The following CCDC183 variants were observed in gnomAD, a reference collection of about 807,000 sequenced individuals.
CCDC183 encodes the protein coiled-coil domain-containing protein 183.
CCDC183 carries 63 observed loss-of-function variants against 65.2 expected under a neutral mutation model. That is an observed-to-expected ratio of 0.97 (90% confidence interval 0.79 to 1.19). CCDC183 has a LOEUF of 1.19. Ranked by LOEUF, CCDC183 falls within the 50% of genes most tolerant of loss-of-function variation. CCDC183 has a pLI of 0.00. For synonymous variants in CCDC183, 323 were observed against 276.5 expected, an observed-to-expected ratio of 1.17 and a Z score of -1.67; for missense variants, 769 against 689.3, an observed-to-expected ratio of 1.12 and a Z score of -1.30.
Position 136,800,479 on chromosome 9 carries a change from G to C in CCDC183, c.529G>C (p.Asp177His). 1 of 1,607,598 alleles carries C rather than the reference G, an allele frequency of 6.2e-7. No homozygotes were observed. The highest frequency in any genetic ancestry group is 1.1e-5 in the South Asian group (1 of 90,568). Residue 177 changes from aspartate to histidine, a missense_variant, in exon 5 of 14, where the codon GAT (aspartate) becomes CAT (histidine). Coordinates refer to ENST00000338005, the MANE Select transcript of CCDC183 (RefSeq NM_001039374.5). ...NIHLLYLDLL[D>H]YLKTVLAGYP... ...CCACCTGCTGTATTTGGACCTGCTGGATTATCTGAAGACAGTGAGCCCAGC... is the reference window on the plus strand; with the variant it reads ...CCACCTGCTGTATTTGGACCTGCTGCATTATCTGAAGACAGTGAGCCCAGC...
rs1394169178 is a variant in CCDC183, at chr9:136,800,018, T to G, written c.287T>G (p.Leu96Arg). The change falls in exon 4 of 14, where the codon CTG becomes CGG. Residue 96 changes from leucine to arginine, a missense_variant. Coordinates refer to ENST00000338005, the MANE Select transcript of CCDC183 (RefSeq NM_001039374.5). ...CCGACCCAGGTGGTGCGGGAGAAGC[T>G]GCGCAAGTACGTCTTCGACCGCGTG... ...RSTMEVVREKLRKYVFDRVNM... is the reference protein window; with the variant it reads ...RSTMEVVREKRRKYVFDRVNM... 6.3e-7 allele frequency: 1 copy of G among 1,590,236 alleles called. No individual in the cohort carries two copies.
In CCDC183 at chr9:136,806,237, A is replaced by G; in HGVS notation, c.1108A>G (p.Ser370Gly). The G allele has an allele frequency of 1.3e-6, 2 of 1,590,428 alleles. No individual in the cohort carries two copies. Among genetic ancestry groups the G allele is most frequent in the East Asian group, 2.3e-5 (1 of 43,418 alleles). The change falls in exon 10 of 14, where the codon AGC (serine) becomes GGC (glycine). Residue 370 changes from serine to glycine, a missense_variant and splice_region_variant. Coordinates refer to ENST00000338005, the MANE Select transcript of CCDC183 (RefSeq NM_001039374.5). ...GTTCCGCCAGAAGCCTAGCTCCATCAGGTGCCCCGGGCTTCCGGGGCTGCG... is the reference window on the plus strand; with the variant it reads ...GTTCCGCCAGAAGCCTAGCTCCATCGGGTGCCCCGGGCTTCCGGGGCTGCG... Reference protein sequence around the residue: ...LKFRQKPSSISFKSVEKKMTD... With the variant: ...LKFRQKPSSIGFKSVEKKMTD...
At chr9:136,796,944 C>T (rs931291506) in intron 1 of CCDC183, among the ~76,000 whole-genome samples, 2 of 148,006 alleles carry the variant, frequency 1.4e-5, no homozygotes, top group East Asian at 2.0e-4. Context: ...CAGCCCGACA[C>T]CAGTAAAGGG....
chr9:136,803,392 A>G (rs1354660904), intron 6 of CCDC183, among the ~76,000 whole-genome samples: 2 of 152,194 alleles, frequency 1.3e-5, no homozygotes, highest in Non-Finnish European at 2.9e-5. Context: ...CAGCCCGGCC[A>G]GCCTGCTCTG....
chr9:136,801,068 A>C (rs1406997710), intron 5 of CCDC183, among the ~76,000 whole-genome samples: 1 of 152,244 alleles, frequency 6.6e-6, no homozygotes, highest in Admixed American at 6.5e-5. Flanking sequence ...GCGGGGAGCC[A>C]GCTGGAAACA....
Position 136,802,690 on chromosome 9 carries a change from G to A in CCDC183, c.570G>A (p.Leu190=), listed in dbSNP as rs1847755285. ...TGCTGGCAGGATACCCCATTGAGCTGGACAAGCTGCAGAACCTCGTGGTCA... is the reference window on the plus strand; with the variant it reads ...TGCTGGCAGGATACCCCATTGAGCTAGACAAGCTGCAGAACCTCGTGGTCA... ...KTVLAGYPIE[L]DKLQNLVVNY... is the part of the protein sequence containing the mutation. The change falls in exon 6 of 14, where the codon CTG becomes CTA. Residue 190 remains leucine (L), a synonymous_variant. Transcript: ENST00000338005. The A allele has an allele frequency of 6.2e-7, 1 of 1,613,232 alleles. No individual in the cohort carries two copies. The highest frequency in any genetic ancestry group is 8.5e-7 in the Non-Finnish European group (1 of 1,179,730).
intron 2 of CCDC183, chr9:136,799,505 G>C (rs1588330161): frequency 3.0e-6 from 2 of 665,142 alleles, no homozygotes; most frequent in East Asian, 5.6e-5. Context: ...GGGACACCCA[G>C]GCCCTCCTCT....
intron 5 of CCDC183, among the ~76,000 whole-genome samples, chr9:136,802,392 G>A (rs1000980689): frequency 6.6e-6 from 1 of 152,180 alleles, no homozygotes; most frequent in Admixed American, 6.5e-5. Flanking sequence ...CCGGGTTTCA[G>A]TCAGCCTTTT....
rs1564347914 is a variant in CCDC183, at chr9:136,799,160, C to T, written c.129C>T (p.Ala43=). ...AAGAGAATATGGACCAGAACAAGGC[C>T]ACGCTGGCCCTCCTGCGCAGCAACA... ...GVKENMDQNK[A]TLALLRSNIR... The change falls in exon 2 of 14, where the codon GCC becomes GCT. Residue 43 remains alanine, a synonymous_variant. Coordinates refer to ENST00000338005, the MANE Select transcript of CCDC183 (RefSeq NM_001039374.5). 3.1e-6 allele frequency: 5 copies of T among 1,613,190 alleles called. No homozygotes were observed. The highest frequency in any genetic ancestry group is 4.2e-6 in the Non-Finnish European group (5 of 1,179,860).
At chr9:136,796,945 C>A (rs1189349550) in intron 1 of CCDC183, among the ~76,000 whole-genome samples, 1 of 147,380 alleles carries the variant, frequency 6.8e-6, no homozygotes, top group Non-Finnish European at 1.5e-5. Flanking sequence ...AGCCCGACAC[C>A]AGTAAAGGGT....
chr9:136,799,846 C>G (rs761183043), intron 3 of CCDC183, 56 bp downstream of exon 3: 44 of 1,542,302 alleles, frequency 2.9e-5, no homozygotes, highest in Admixed American at 3.5e-5. Context: ...GCCAGCACCC[C>G]CCCACTAGAT....
rs1412628830 is a variant in CCDC183 at position 136,804,687 on chromosome 9, G to A, written c.792+60G>A. ...TCCCCATGACAGCTGGGTGGACACAGGCTCAGGGCCACCACTCAGGGCCCA... is the reference window on the plus strand; with the variant it reads ...TCCCCATGACAGCTGGGTGGACACAAGCTCAGGGCCACCACTCAGGGCCCA... On this transcript the variant is annotated intron_variant, in intron 7 of 13. Coordinates refer to ENST00000338005, the MANE Select transcript of CCDC183 (RefSeq NM_001039374.5). This position sits in a 1 kb window ranked among gnomAD's most constrained non-coding sequence, Gnocchi z 4.1. 5 of 1,612,984 alleles carry A rather than the reference G, an allele frequency of 3.1e-6. No individual in the cohort carries two copies. Among genetic ancestry groups the A allele is most frequent in the South Asian group, 2.2e-5 (2 of 91,034 alleles).
chr9:136,798,023 T>A (rs1358497959), intron 1 of CCDC183, among the ~76,000 whole-genome samples: 2 of 150,490 alleles, frequency 1.3e-5, no homozygotes, highest in Non-Finnish European at 3.0e-5. Context: ...TTATTTATTT[T>A]GAGACGCAGT....
rs1320944212 is a variant in CCDC183, at chr9:136,806,582, G to A, written c.1188G>A (p.Met396Ile). 3 of 1,613,608 alleles carry A rather than the reference G, an allele frequency of 1.9e-6. No individual in the cohort carries two copies. Among genetic ancestry groups the A allele is most frequent in the Non-Finnish European group, 2.5e-6 (3 of 1,180,046 alleles). Reference sequence around the variant, plus strand: ...GGCTCCAGCTGGCGCACAGCAACATGACCAAGGGCCAGGAGCTGCTGCTGA... The same window carrying A: ...GGCTCCAGCTGGCGCACAGCAACATAACCAAGGGCCAGGAGCTGCTGCTGA... ...EERLQLAHSNMTKGQELLLTI... is the reference protein window; with the variant it reads ...EERLQLAHSNITKGQELLLTI... The change falls in exon 11 of 14, where the codon ATG becomes ATA. Residue 396 changes from methionine (M) to isoleucine (I), a missense_variant. Physicochemically the swap from Met to Ile is conservative, Grantham distance 10 (BLOSUM62 1). Coordinates refer to ENST00000338005, the MANE Select transcript of CCDC183 (RefSeq NM_001039374.5).
rs113072784 is a variant in CCDC183 at position 136,802,820 on chromosome 9, G to A, written c.666+34G>A. On this transcript the variant is annotated intron_variant, in intron 6 of 13. Transcript: ENST00000338005. Reference sequence around the variant, plus strand: ...AGGGCCCAGGGCTGGGGGCCCCCCAGGGCCAGCCCTCTTGGATCTTCGGAT... The same window carrying A: ...AGGGCCCAGGGCTGGGGGCCCCCCAAGGCCAGCCCTCTTGGATCTTCGGAT... 2.6e-3 allele frequency: 3,530 copies of A among 1,364,682 alleles called. 24 individuals are homozygous for A. Among genetic ancestry groups the A allele is most frequent in the Middle Eastern group, 6.5e-3 (27 of 4,162 alleles). The allele number at this position is 1,364,682 out of a possible 1,614,324, so 84.5% of individuals were successfully genotyped here. A position where few individuals can be genotyped will look rare whatever the true frequency, so the allele number is the denominator to read the frequency against.
chr9:136,806,988 G>C lies in CCDC183; in HGVS notation c.1408G>C (p.Asp470His), dbSNP rs1457501418. ...CCTGCAGGGCGACACAAAGGTGAGG[G>C]ACACCCTGGAGTCCTCGACTCTGAT... ...RTEEGDTKVRDTLESSTLMEK... is the reference protein window; with the variant it reads ...RTEEGDTKVRHTLESSTLMEK... Residue 470 changes from aspartate (D) to histidine (H), a missense_variant, in exon 13 of 14, where the codon GAC (aspartate) becomes CAC (histidine). Transcript: ENST00000338005. 1 of 1,613,716 alleles carries C rather than the reference G, an allele frequency of 6.2e-7. No individual in the cohort carries two copies. The highest frequency in any genetic ancestry group is 8.5e-7 in the Non-Finnish European group (1 of 1,180,022).
rs1292704287 is a variant in CCDC183, at chr9:136,806,400, CCT to C, written c.1110-103_1110-102del. ...TTGCACACACCTGAGCTTCTGAGTC[CCT>C]GATTCTGGCACAGCACCCAACTCAG... On this transcript the variant is annotated intron_variant, in intron 10 of 13. Coordinates refer to ENST00000338005, the MANE Select transcript of CCDC183 (RefSeq NM_001039374.5). 2.9e-5 allele frequency: 44 copies of C among 1,497,186 alleles called. No homozygotes were observed. In the South Asian group the frequency reaches 4.7e-4, roughly 16 times the overall value. 92.7% of individuals were successfully genotyped at this position (1,497,186 alleles called of 1,614,324 possible).
rs1261197415 is a variant in CCDC183, at chr9:136,799,252, C to T, written c.192+29C>T. Reference sequence around the variant, plus strand: ...CACAAACGCCGCCCCTCCCCTCTGCCTGGCGAGCAGGGCAGGAGCTGAGTA... The same window carrying T: ...CACAAACGCCGCCCCTCCCCTCTGCTTGGCGAGCAGGGCAGGAGCTGAGTA... On this transcript the variant is annotated intron_variant, in intron 2 of 13. Coordinates refer to ENST00000338005, the MANE Select transcript of CCDC183 (RefSeq NM_001039374.5). 3.2e-6 allele frequency: 5 copies of T among 1,574,734 alleles called. No individual in the cohort carries two copies. The Middle Eastern group carries it at 6.4e-4, about 201-fold the overall frequency.
At chr9:136,799,510 T>C in intron 2 of CCDC183, 2 of 662,552 alleles carry the variant, frequency 3.0e-6, no homozygotes, top group East Asian at 5.6e-5. Flanking sequence ...ACCCAGGCCC[T>C]CCTCTGCATA....
Sources: gnomAD v4.1 joint callset for allele counts (sites outside exome capture counted in the v4.1 genomes callset) on GRCh38, gnomAD v4.1.1 for gene constraint, Gnocchi (gnomAD v3.1) non-coding constraint, MANE v1.5 for transcripts, NCBI Gene and HGNC (gene_info 2026-07-23, HGNC 2026-07-21) for gene names.